Variants in BCKDHB observed in about 807,000 individuals in gnomAD.
The protein encoded by BCKDHB is branched chain keto acid dehydrogenase E1 subunit beta, also known as 2-oxoisovalerate dehydrogenase subunit beta, mitochondrial.
A neutral mutation model predicts 48.5 loss-of-function variants in BCKDHB; 41 were observed. The observed-to-expected ratio is 0.85, with a 90% CI of 0.66 to 1.10. The LOEUF (loss-of-function observed/expected upper bound fraction) is 1.10. BCKDHB is among the 50% of genes least tolerant of loss of function. BCKDHB has a pLI of 0.00. For missense variants in BCKDHB, 496 were observed against 494.2 expected, an observed-to-expected ratio of 1.00 and a Z score of -0.03; for synonymous variants, 201 against 174.8, an observed-to-expected ratio of 1.15 and a Z score of -1.18.
chr6:80,449,658 A>AT, the BCKDHB span, among the ~76,000 whole-genome samples: 1 of 152,186 alleles, frequency 6.6e-6, no homozygotes, highest in Non-Finnish European at 1.5e-5. Flanking sequence ...TGAACTTCAA[A>AT]TTACATCATA....
chr6:80,235,709 A>C (rs759686019), intron 8 of BCKDHB, among the ~76,000 whole-genome samples: 3 of 152,206 alleles, frequency 2.0e-5, no homozygotes, highest in Admixed American at 6.5e-5. Flanking sequence ...TGTTCTACCA[A>C]TTCTCCTTGC....
At chr6:80,339,072 T>C (rs1490796401) in intron 9 of BCKDHB, among the ~76,000 whole-genome samples, 1 of 152,138 alleles carries the variant, frequency 6.6e-6, no homozygotes, top group Non-Finnish European at 1.5e-5. Context: ...GTTTCAGTGA[T>C]GTAACTCCAG....
At chr6:80,273,603 G>A (rs1318043119) in intron 9 of BCKDHB, among the ~76,000 whole-genome samples, 2 of 152,002 alleles carry the variant, frequency 1.3e-5, no homozygotes, top group African/African-American at 2.4e-5. Flanking sequence ...TATGGAATTG[G>A]TTGATTGTGG....
the BCKDHB span, chr6:80,356,006 C>G: frequency 6.6e-6 from 1 of 152,170 alleles, no homozygotes; most frequent in Non-Finnish European, 1.5e-5. Context: ...GACTGGTGAT[C>G]ACAACATCTC....
intron 8 of BCKDHB, among the ~76,000 whole-genome samples, chr6:80,266,813 A>G (rs1332553456): frequency 1.3e-5 from 2 of 152,086 alleles, no homozygotes; most frequent in African/African-American, 4.8e-5. Context: ...AGAGTTATTC[A>G]TGTAAATTAC....
chr6:80,122,726 A>G (rs1286134766), intron 1 of BCKDHB, among the ~76,000 whole-genome samples: 1 of 152,200 alleles, frequency 6.6e-6, no homozygotes, highest in Non-Finnish European at 1.5e-5. Flanking sequence ...CAAAAGGCAA[A>G]ACAGAACTAC....
intron 3 of BCKDHB, among the ~76,000 whole-genome samples, chr6:80,131,627 TAGC>T (rs1423647660): frequency 2.6e-5 from 4 of 152,070 alleles, no homozygotes; most frequent in African/African-American, 9.7e-5. Flanking sequence ...GCATATTTCT[TAGC>T]AGGACATACA....
chr6:80,130,979 T>G (rs73479922), intron 3 of BCKDHB, among the ~76,000 whole-genome samples: 1 of 152,184 alleles, frequency 6.6e-6, no homozygotes, highest in African/African-American at 2.4e-5. Context: ...TTCAACTCAC[T>G]GCGTCAGGTA....
At chr6:80,366,181 G>A in the BCKDHB span, among the ~76,000 whole-genome samples, 1 of 152,218 alleles carries the variant, frequency 6.6e-6, no homozygotes, top group Non-Finnish European at 1.5e-5. Context: ...TAATGAAGCA[G>A]AAGTTGTAGA....
intron 3 of BCKDHB, among the ~76,000 whole-genome samples, chr6:80,163,084 G>A (rs1266092938): frequency 2.0e-5 from 3 of 151,708 alleles, no homozygotes; most frequent in African/African-American, 4.8e-5. Flanking sequence ...CACCACACCC[G>A]GCTAATGTTT....
At chr6:80,304,951 G>A (rs1767781824) in intron 9 of BCKDHB, among the ~76,000 whole-genome samples, 1 of 151,986 alleles carries the variant, frequency 6.6e-6, no homozygotes, top group African/African-American at 2.4e-5. Context: ...TATATTTAAT[G>A]GTAAAATATT....
chr6:80,184,686 A>G (rs1773560837), intron 6 of BCKDHB, among the ~76,000 whole-genome samples: 1 of 152,104 alleles, frequency 6.6e-6, no homozygotes, highest in Non-Finnish European at 1.5e-5. Context: ...TCTCTCCTCT[A>G]TTTATGAAGG....
At chr6:80,108,312 T>G (rs1349318639) in intron 1 of BCKDHB, among the ~76,000 whole-genome samples, 1 of 151,528 alleles carries the variant, frequency 6.6e-6, no homozygotes, top group Non-Finnish European at 1.5e-5. Context: ...GTAGGTGTTT[T>G]TTTTTTTTTT....
At chr6:80,436,978 A>G in the BCKDHB span, among the ~76,000 whole-genome samples, 1 of 152,208 alleles carries the variant, frequency 6.6e-6, no homozygotes, top group African/African-American at 2.4e-5. Context: ...ACCACTAGGT[A>G]TAAGCTTTAT....
chr6:80,282,504 GACA>G (rs1320998750), intron 9 of BCKDHB, among the ~76,000 whole-genome samples: 13 of 152,044 alleles, frequency 8.6e-5, no homozygotes, highest in Non-Finnish European at 1.2e-4. Context: ...CATTATTAAT[GACA>G]ACAACAGGAA....
intron 8 of BCKDHB, among the ~76,000 whole-genome samples, chr6:80,217,070 C>T (rs1443526334): frequency 6.6e-6 from 1 of 152,040 alleles, no homozygotes; most frequent in Admixed American, 6.6e-5. Context: ...TGGTGAAACC[C>T]CACCTCTACT....
chr6:80,217,250 A>G (rs912394447), intron 8 of BCKDHB, among the ~76,000 whole-genome samples: 2 of 152,302 alleles, frequency 1.3e-5, no homozygotes, highest in Middle Eastern at 6.8e-3. Context: ...TCAAAAAGAA[A>G]AAAGAAAAAA....
At chr6:80,331,288 T>A (rs1769304417) in intron 9 of BCKDHB, among the ~76,000 whole-genome samples, 2 of 152,192 alleles carry the variant, frequency 1.3e-5, no homozygotes, top group Non-Finnish European at 2.9e-5. Flanking sequence ...TGCTTATAGG[T>A]TTGTTTTGCA....
chr6:80,263,894 G>A lies in BCKDHB; in HGVS notation c.952-9241G>A, dbSNP rs368022342. 1.1e-4 allele frequency among the ~76,000 whole-genome samples: 16 copies of A among 152,178 alleles called. No individual in the cohort carries two copies. In the East Asian group the frequency reaches 2.7e-3, roughly 26 times the overall value. Reference sequence around the variant, plus strand: ...CCCTTTAGAACTGTTATGATGGCCAGACATAGTATTTCCCTCTGTTGTCAA... The same window carrying A: ...CCCTTTAGAACTGTTATGATGGCCAAACATAGTATTTCCCTCTGTTGTCAA... On this transcript the variant is annotated intron_variant, in intron 8 of 9. Transcript: ENST00000320393.
Sources: allele counts gnomAD v4.1 joint callset (sites outside exome capture counted in the v4.1 genomes callset), GRCh38; gene constraint gnomAD v4.1.1; transcripts MANE v1.5; gene names NCBI Gene and HGNC (gene_info 2026-07-23, HGNC 2026-07-21).